The following LRRFIP1 variants were observed in gnomAD, a reference collection of about 807,000 sequenced individuals.
The protein encoded by LRRFIP1 is leucine-rich repeat flightless-interacting protein 1.
In LRRFIP1, 62 loss-of-function variants were observed where a neutral mutation model predicts 104.4. That is an observed-to-expected ratio of 0.59 (90% CI 0.48 to 0.73). The LOEUF (loss-of-function observed/expected upper bound fraction) is 0.73, where lower values mean the gene tolerates loss of function less well. Ranked by LOEUF, LRRFIP1 falls within the 30% of genes least tolerant of loss-of-function variation. The probability of loss-of-function intolerance (pLI) is 0.00; values close to 1 mark genes in which losing one functional copy is unlikely to be tolerated. For missense variants in LRRFIP1, 796 were observed against 824.5 expected (o/e 0.97, Z 0.42); for synonymous variants, 300 against 299.0 (o/e 1.00, Z -0.03).
intron 8 of LRRFIP1, among the ~76,000 whole-genome samples, chr2:237,729,089 A>AT (rs1354657684): frequency 4.0e-5 from 6 of 151,888 alleles, no homozygotes; most frequent in Admixed American, 1.3e-4. Flanking sequence ...CACCTGGCTA[A>AT]TTTTTTTTGT....
At chr2:237,676,891 G>A (rs1374210629) in intron 1 of LRRFIP1, among the ~76,000 whole-genome samples, 1 of 152,198 alleles carries the variant, frequency 6.6e-6, no homozygotes, top group African/African-American at 2.4e-5. Context: ...TGGTGTGGCT[G>A]ATTTCACGTG....
Position 237,717,505 on chromosome 2 carries a change from C to T in LRRFIP1, c.202-257C>T, listed in dbSNP as rs1415252576. 3.3e-5 allele frequency among the ~76,000 whole-genome samples: 5 copies of T among 152,186 alleles called. No homozygotes were observed. The highest frequency in any genetic ancestry group is 1.3e-4 in the Admixed American group (2 of 15,286). ...CGAGGCCCTTCACCTGGGGAAGCTTCGTCCTGGGCTCTCTTGCTTTGCCGG... is the reference window on the plus strand; with the variant it reads ...CGAGGCCCTTCACCTGGGGAAGCTTTGTCCTGGGCTCTCTTGCTTTGCCGG... On this transcript the variant is annotated intron_variant, in intron 3 of 23. Coordinates refer to ENST00000308482, the MANE Select transcript of LRRFIP1 (RefSeq NM_001137550.2). The surrounding 1 kb of genome is among the most constrained non-coding windows in gnomAD (Gnocchi z 4.2).
intron 1 of LRRFIP1, among the ~76,000 whole-genome samples, chr2:237,676,043 A>G (rs1286899735): frequency 6.6e-6 from 1 of 152,206 alleles, no homozygotes; most frequent in East Asian, 1.9e-4. Flanking sequence ...TAAGTGCGCT[A>G]GTGTGTAGCC....
intron 1 of LRRFIP1, among the ~76,000 whole-genome samples, chr2:237,656,322 A>T (rs546445211): frequency 3.1e-4 from 47 of 152,372 alleles, no homozygotes; most frequent in African/African-American, 1.1e-3. Context: ...AAAAGCTATT[A>T]TACTGGGCAG....
Position 237,735,188 on chromosome 2 carries a change from A to T in LRRFIP1, c.490-80A>T. 8.2e-7 allele frequency: 1 copy of T among 1,219,180 alleles called. No individual in the cohort carries two copies. The highest frequency in any genetic ancestry group is 1.2e-6 in the Non-Finnish European group (1 of 852,850). 75.5% of individuals were successfully genotyped at this position (1,219,180 alleles called of 1,614,324 possible). ...TGCTCCTGGCACGTGTCAGTTTTTC[A>T]CAGCTCACGTTTTCAGCACTTTCTG... On this transcript the variant is annotated intron_variant, in intron 9 of 23. Transcript: ENST00000308482. This position sits in a 1 kb window ranked among gnomAD's most constrained non-coding sequence, Gnocchi z 4.6.
chr2:237,724,975 A>G (rs996410549), intron 7 of LRRFIP1, among the ~76,000 whole-genome samples: 1 of 152,170 alleles, frequency 6.6e-6, no homozygotes, highest in Non-Finnish European at 1.5e-5. Flanking sequence ...TATTCATCCA[A>G]AAAGTTGGCA....
In LRRFIP1 at chr2:237,646,922, T is replaced by C. The variant is rs536830187; in HGVS notation, c.96+19182T>C. ...GATACTATCATTCCCATATGAAAATTGAAGAGACTGAATCATAGAAAGGGG... is the reference window on the plus strand; with the variant it reads ...GATACTATCATTCCCATATGAAAATCGAAGAGACTGAATCATAGAAAGGGG... On this transcript the variant is annotated intron_variant, in intron 1 of 23. Transcript: ENST00000308482. 2.6e-5 allele frequency among the ~76,000 whole-genome samples: 4 copies of C among 152,112 alleles called. No individual in the cohort carries two copies. In the East Asian group the frequency reaches 7.7e-4, roughly 29 times the overall value.
At chr2:237,701,578 C>G (rs370979781) in intron 1 of LRRFIP1, among the ~76,000 whole-genome samples, 2 of 152,202 alleles carry the variant, frequency 1.3e-5, no homozygotes, top group Non-Finnish European at 2.9e-5. Flanking sequence ...TTCCCTGACC[C>G]GGAAGAAGGG....
At chr2:237,741,173 G>GC (rs2095405939) in intron 11 of LRRFIP1, among the ~76,000 whole-genome samples, 1 of 152,188 alleles carries the variant, frequency 6.6e-6, no homozygotes, top group Non-Finnish European at 1.5e-5. Flanking sequence ...GGGGCACACC[G>GC]CCCCCCAGTA....
chr2:237,674,287 C>T (rs142895860), intron 1 of LRRFIP1, among the ~76,000 whole-genome samples: 139 of 152,262 alleles, frequency 9.1e-4, no homozygotes, highest in African/African-American at 3.2e-3. Flanking sequence ...AGCTCTGCAG[C>T]CCCCCAGAAT....
At chr2:237,736,748 A>G (rs570851466) in intron 10 of LRRFIP1, among the ~76,000 whole-genome samples, 1 of 152,312 alleles carries the variant, frequency 6.6e-6, no homozygotes, top group South Asian at 2.1e-4. Flanking sequence ...TCCTGACAGC[A>G]CAGCTGCCTA....
chr2:237,753,002 A>G (rs772294969), intron 14 of LRRFIP1, among the ~76,000 whole-genome samples: 2 of 152,182 alleles, frequency 1.3e-5, no homozygotes, highest in Non-Finnish European at 2.9e-5. Context: ...TTCCCCAGCT[A>G]CTGAGTGGGG....
intron 1 of LRRFIP1, among the ~76,000 whole-genome samples, chr2:237,659,401 G>A (rs1255800763): frequency 1.3e-5 from 2 of 151,682 alleles, no homozygotes; most frequent in African/African-American, 2.4e-5. Flanking sequence ...AGGCAGAAAA[G>A]GATATGTTAT....
chr2:237,754,857 A>G (rs903127991), intron 15 of LRRFIP1, among the ~76,000 whole-genome samples: 2 of 152,204 alleles, frequency 1.3e-5, no homozygotes, highest in Non-Finnish European at 2.9e-5. Context: ...ATTAGGCATC[A>G]TTCAGTGGAC....
intron 10 of LRRFIP1, among the ~76,000 whole-genome samples, chr2:237,736,613 C>T (rs1051837274): frequency 3.6e-4 from 55 of 152,262 alleles, no homozygotes; most frequent in African/African-American, 1.3e-3. Context: ...CTTCGGGAGT[C>T]GTCAGCCCTA....
chr2:237,703,150 C>T lies in LRRFIP1; in HGVS notation c.97-5394C>T, dbSNP rs139913826. ...TAATCAGTGGAGGATCCAGCAAGCTCGGATGGGAGGGAAAGAATGACTCAA... is the reference window on the plus strand; with the variant it reads ...TAATCAGTGGAGGATCCAGCAAGCTTGGATGGGAGGGAAAGAATGACTCAA... On this transcript the variant is annotated intron_variant, in intron 1 of 23. Transcript: ENST00000308482. The surrounding 1 kb of genome is among the most constrained non-coding windows in gnomAD (Gnocchi z 4.3). 9.7e-3 allele frequency among the ~76,000 whole-genome samples: 1,476 copies of T among 152,228 alleles called. 22 individuals are homozygous for T. The highest frequency in any genetic ancestry group is 0.034 in the African/African-American group (1,393 of 41,534).
intron 13 of LRRFIP1, among the ~76,000 whole-genome samples, chr2:237,750,326 CTTTTTTTTTTTT>C (rs928510240): frequency 2.1e-4 from 13 of 60,706 alleles, no homozygotes; most frequent in African/African-American, 3.2e-4. Context: ...TTCTTTCTTT[CTTTTTTTTTTTT>C]TTTTTTTTTT....
At position 237,735,395 on chromosome 2, in the gene LRRFIP1, G is replaced by A. The variant is rs1380628479; in HGVS notation, c.555+62G>A. The A allele has an allele frequency of 1.7e-5, 26 of 1,516,808 alleles. No homozygotes were observed. The highest frequency in any genetic ancestry group is 2.1e-5 in the Non-Finnish European group (23 of 1,114,188). 94.0% of individuals were successfully genotyped at this position (1,516,808 alleles called of 1,614,324 possible). ...CCTGCTGCATGGCCTGGGGATGCTC[G>A]CTGGGCAGGGTCCAGCCGTGGGGGG... On this transcript the variant is annotated intron_variant, in intron 10 of 23. Coordinates refer to ENST00000308482, the MANE Select transcript of LRRFIP1 (RefSeq NM_001137550.2). This position sits in a 1 kb window ranked among gnomAD's most constrained non-coding sequence, Gnocchi z 4.6.
rs547368924 is a variant in LRRFIP1 at position 237,781,344 on chromosome 2, G to A, written c.*1812G>A. Among the ~76,000 whole-genome samples, 41 of 152,320 alleles carry A rather than the reference G, an allele frequency of 2.7e-4. No homozygotes were observed. The highest frequency in any genetic ancestry group is 7.5e-4 in the African/African-American group (31 of 41,574). On this transcript the variant is annotated 3_prime_UTR_variant, in exon 24 of 24. Transcript: ENST00000308482. ...TGCACGGAAATTCTATGAGGTAGAT[G>A]CTGTTATCAAATCCACATTACAGAT... is the stretch of plus-strand genomic sequence containing the variant.
Sources: allele counts gnomAD v4.1 joint callset (sites outside exome capture counted in the v4.1 genomes callset), GRCh38; gene constraint gnomAD v4.1.1; non-coding constraint Gnocchi (gnomAD v3.1); transcripts MANE v1.5; gene names NCBI Gene and HGNC (gene_info 2026-07-23, HGNC 2026-07-21).